The following CTNNA3 variants were observed in gnomAD, a reference collection of about 807,000 sequenced individuals.
CTNNA3 encodes catenin alpha 3, also known as catenin alpha-3.
A neutral mutation model predicts 95.7 loss-of-function variants in CTNNA3; 76 were observed. The ratio of observed to expected loss-of-function variants is 0.79; its 90% CI spans 0.66 to 0.96. The LOEUF is 0.96. Among genes scored for constraint, CTNNA3 ranks in the 40% least tolerant of loss-of-function variants. CTNNA3 has a pLI of 0.00. For missense variants in CTNNA3, 1,191 were observed against 1,089.8 expected, an observed-to-expected ratio of 1.09 and a Z score of -1.31; for synonymous variants, 431 against 374.4, an observed-to-expected ratio of 1.15 and a Z score of -1.74.
rs374014076 is a variant in CTNNA3, at chr10:67,105,334, G to A, written c.1047+74983C>T. On this transcript the variant is annotated intron_variant, in intron 7 of 17. Transcript: ENST00000433211. Reference sequence around the variant, plus strand: ...GAACTATTTCTATTATTTCTCTAGAGAGAAACTGAATAGACAGAGAAAAAG... The same window carrying A: ...GAACTATTTCTATTATTTCTCTAGAAAGAAACTGAATAGACAGAGAAAAAG... Among the ~76,000 whole-genome samples, 24 of 152,132 alleles carry A rather than the reference G, an allele frequency of 1.6e-4. No individual in the cohort carries two copies. The East Asian group carries it at 4.2e-3, about 27-fold the overall frequency.
At chr10:65,959,874 A>T (rs745632451) in intron 17 of CTNNA3, among the ~76,000 whole-genome samples, 4 of 152,188 alleles carry the variant, frequency 2.6e-5, no homozygotes, top group Non-Finnish European at 2.9e-5. Flanking sequence ...CTTCATTTCC[A>T]TGTGAACTGA....
intron 10 of CTNNA3, among the ~76,000 whole-genome samples, chr10:66,551,448 G>A (rs1842212186): frequency 1.3e-5 from 2 of 151,912 alleles, no homozygotes; most frequent in African/African-American, 4.8e-5. Context: ...GGTTTTCTTT[G>A]GTTATACTGT....
chr10:66,659,299 G>C (rs903574513), intron 9 of CTNNA3, among the ~76,000 whole-genome samples: 1 of 151,742 alleles, frequency 6.6e-6, no homozygotes, highest in African/African-American at 2.4e-5. Context: ...AACTGACTAG[G>C]TATTTAGATG....
chr10:67,239,708 C>T (rs1384115940), intron 5 of CTNNA3, among the ~76,000 whole-genome samples: 1 of 152,100 alleles, frequency 6.6e-6, no homozygotes, highest in Non-Finnish European at 1.5e-5. Flanking sequence ...CCAATATCTA[C>T]AGTGTGAGCC....
chr10:66,433,223 C>G (rs1238464628), intron 11 of CTNNA3, among the ~76,000 whole-genome samples: 1 of 152,182 alleles, frequency 6.6e-6, no homozygotes, highest in Non-Finnish European at 1.5e-5. Context: ...GGAATTGCCA[C>G]ATTGTCTTCC....
At chr10:66,137,555 TTAAA>T (rs1417231527) in intron 13 of CTNNA3, among the ~76,000 whole-genome samples, 2 of 152,146 alleles carry the variant, frequency 1.3e-5, no homozygotes, top group African/African-American at 4.8e-5. Context: ...GAACCATATA[TTAAA>T]TAATACAATA....
At chr10:67,081,227 C>T (rs1857042776) in intron 7 of CTNNA3, among the ~76,000 whole-genome samples, 1 of 152,092 alleles carries the variant, frequency 6.6e-6, no homozygotes. Context: ...TGACTGTTGG[C>T]AGGGCATTTA....
intron 5 of CTNNA3, among the ~76,000 whole-genome samples, chr10:67,511,526 T>C (rs1328784031): frequency 6.6e-6 from 1 of 152,240 alleles, no homozygotes; most frequent in Non-Finnish European, 1.5e-5. Context: ...GAACCAGCCT[T>C]GCATCCCAGG....
intron 9 of CTNNA3, among the ~76,000 whole-genome samples, chr10:66,651,075 A>G (rs1238144178): frequency 6.6e-6 from 1 of 152,124 alleles, no homozygotes; most frequent in Non-Finnish European, 1.5e-5. Context: ...GCTAGACACA[A>G]AAGTTCTGGA....
chr10:66,432,378 G>A (rs984426751), intron 11 of CTNNA3, among the ~76,000 whole-genome samples: 9 of 152,118 alleles, frequency 5.9e-5, no homozygotes, highest in Non-Finnish European at 1.0e-4. Flanking sequence ...TCTGGGATAC[G>A]CCAGGTGCGG....
intron 14 of CTNNA3, among the ~76,000 whole-genome samples, chr10:66,083,107 A>G (rs77581597): frequency 2.3e-3 from 352 of 152,166 alleles, no homozygotes; most frequent in Middle Eastern, 3.4e-3. Flanking sequence ...AAACAAGAAA[A>G]CATTATCCTA....
chr10:66,305,897 A>G (rs1204333616), intron 12 of CTNNA3, among the ~76,000 whole-genome samples: 2 of 152,196 alleles, frequency 1.3e-5, no homozygotes, highest in Admixed American at 6.5e-5. Context: ...AATTCCATGC[A>G]GCTGATTATT....
Position 66,504,045 on chromosome 10 carries a change from CA to C in CTNNA3, c.1531+16571del, listed in dbSNP as rs376231734. 5.9e-5 allele frequency among the ~76,000 whole-genome samples: 9 copies of C among 152,186 alleles called. No individual in the cohort carries two copies. In the East Asian group the frequency reaches 1.7e-3, roughly 29 times the overall value. The stretch of plus-strand genomic sequence containing the variant: ...ATATACATCACCTCACATACTTAAT[CA>C]TTTTTTTATAGTGAGAACATTTACT... On this transcript the variant is annotated intron_variant, in intron 11 of 17. Transcript: ENST00000433211.
intron 17 of CTNNA3, among the ~76,000 whole-genome samples, chr10:65,924,876 G>A (rs1670145): frequency 0.15 from 22,850 of 152,148 alleles, 2,143 homozygotes; most frequent in South Asian, 0.23. Context: ...ATGGTGGCAG[G>A]CAAGAGAGTG....
chr10:66,585,188 C>G (rs888562403), intron 10 of CTNNA3, among the ~76,000 whole-genome samples: 1 of 151,958 alleles, frequency 6.6e-6, no homozygotes, highest in Non-Finnish European at 1.5e-5. Context: ...CAATGAGTCT[C>G]TCAGGAGTTC....
chr10:67,234,671 G>C (rs1389790764), intron 5 of CTNNA3, among the ~76,000 whole-genome samples: 4 of 151,686 alleles, frequency 2.6e-5, no homozygotes, highest in African/African-American at 9.7e-5. Context: ...AGGGCAATTA[G>C]GCAGGAGAAG....
chr10:66,667,766 C>T (rs916361090), intron 9 of CTNNA3, among the ~76,000 whole-genome samples: 14 of 152,012 alleles, frequency 9.2e-5, no homozygotes, highest in African/African-American at 3.4e-4. Flanking sequence ...GTACAGACAT[C>T]TCTTCCCAGC....
intron 3 of CTNNA3, among the ~76,000 whole-genome samples, chr10:67,594,308 C>T (rs1004907418): frequency 6.6e-6 from 1 of 152,230 alleles, no homozygotes. Flanking sequence ...ATTTTTTGAA[C>T]AGTTTCAGAA....
rs573606726 is a variant in CTNNA3 at position 67,593,619 on chromosome 10, G to A, written c.292+13238C>T. 1.1e-3 allele frequency among the ~76,000 whole-genome samples: 173 copies of A among 152,214 alleles called. 2 individuals are homozygous for A. Among genetic ancestry groups the A allele is most frequent in the Middle Eastern group, 3.4e-3 (1 of 294 alleles). ...TGTATGTTGATTTTGTATCCTGAAAGTTTGCTAAAGTTGTTTATCAGGTCT... is the reference window on the plus strand; with the variant it reads ...TGTATGTTGATTTTGTATCCTGAAAATTTGCTAAAGTTGTTTATCAGGTCT... On this transcript the variant is annotated intron_variant, in intron 3 of 17. Transcript: ENST00000433211.
Sources: gnomAD v4.1 joint callset for allele counts (sites outside exome capture counted in the v4.1 genomes callset) on GRCh38, gnomAD v4.1.1 for gene constraint, MANE v1.5 for transcripts, NCBI Gene and HGNC (gene_info 2026-07-23, HGNC 2026-07-21) for gene names.